Variants in PIEZO2 observed in about 807,000 individuals in gnomAD.
The protein encoded by PIEZO2 is piezo type mechanosensitive ion channel component 2.
A neutral mutation model predicts 337.3 loss-of-function variants in PIEZO2; 172 were observed. The observed-to-expected ratio is 0.51, with a 90% confidence interval of 0.45 to 0.58. The LOEUF (loss-of-function observed/expected upper bound fraction) is 0.58, where lower values mean the gene tolerates loss of function less well. Ranked by LOEUF, PIEZO2 falls within the 20% of genes least tolerant of loss-of-function variation. The pLI, the probability that PIEZO2 is intolerant of heterozygous loss-of-function variation, is 0.00. For missense variants in PIEZO2, 3,028 were observed against 3,391.3 expected (o/e 0.89, Z 2.66); for synonymous variants, 1,251 against 1,228.5 (o/e 1.02, Z -0.38).
chr18:11,041,488 T>C (rs1354796845), intron 2 of PIEZO2, among the ~76,000 whole-genome samples: 1 of 152,184 alleles, frequency 6.6e-6, no homozygotes, highest in Non-Finnish European at 1.5e-5. Flanking sequence ...GAATCCATCC[T>C]GTACTCCACA....
chr18:10,719,599 A>G (rs2036169774), intron 36 of PIEZO2, among the ~76,000 whole-genome samples: 1 of 152,194 alleles, frequency 6.6e-6, no homozygotes, highest in Non-Finnish European at 1.5e-5. Flanking sequence ...TCCTCCGTTC[A>G]TCAACGGACA....
intron 2 of PIEZO2, among the ~76,000 whole-genome samples, chr18:11,025,844 GCAC>G (rs1260891466): frequency 1.3e-5 from 2 of 152,130 alleles, no homozygotes; most frequent in African/African-American, 4.8e-5. Flanking sequence ...GGTGGGTACT[GCAC>G]AACTCTTGCT....
chr18:10,998,873 A>G (rs1445920019), intron 2 of PIEZO2, among the ~76,000 whole-genome samples: 24 of 151,706 alleles, frequency 1.6e-4, no homozygotes, highest in Admixed American at 1.4e-3. Context: ...AAAAAAAAAA[A>G]AAAAAAGAAA....
At chr18:11,018,080 G>A (rs191151144) in intron 2 of PIEZO2, among the ~76,000 whole-genome samples, 4 of 152,244 alleles carry the variant, frequency 2.6e-5, no homozygotes, top group Non-Finnish European at 5.9e-5. Flanking sequence ...TCCCCGAGAA[G>A]GCTTTAGTGT....
intron 1 of PIEZO2, among the ~76,000 whole-genome samples, chr18:11,082,409 C>A (rs2038777708): frequency 6.6e-6 from 1 of 151,830 alleles, no homozygotes; most frequent in African/African-American, 2.4e-5. Flanking sequence ...GCTCCACCTC[C>A]CGGGTTCATG....
chr18:11,142,870 A>C (rs1036699759), intron 1 of PIEZO2, among the ~76,000 whole-genome samples: 2 of 151,930 alleles, frequency 1.3e-5, no homozygotes, highest in Non-Finnish European at 2.9e-5. Context: ...CGAGGTCAGG[A>C]GATCGAGACC....
chr18:10,744,650 GA>G (rs2037353324), intron 30 of PIEZO2, among the ~76,000 whole-genome samples: 2 of 152,188 alleles, frequency 1.3e-5, no homozygotes, highest in Non-Finnish European at 2.9e-5. Flanking sequence ...TCAATTAGCA[GA>G]AACTGGGGAT....
rs112778706 is a variant in PIEZO2 at position 11,038,630 on chromosome 18, A to G, written c.160+27497T>C. 0.013 allele frequency among the ~76,000 whole-genome samples: 2,014 copies of G among 152,310 alleles called. 57 individuals carry two copies. Among genetic ancestry groups the G allele is most frequent in the African/African-American group, 0.046 (1,894 of 41,552 alleles). On this transcript the variant is annotated intron_variant, in intron 2 of 55. Transcript: ENST00000674853. The surrounding 1 kb of genome is among the most constrained non-coding windows in gnomAD (Gnocchi z 4.1). ...GAGCAGCATGTAGTCAGGAAAGAGC[A>G]TTCCATCAGAGCCCAGAAACGTGGC... is the stretch of plus-strand genomic sequence containing the variant.
intron 1 of PIEZO2, among the ~76,000 whole-genome samples, chr18:11,115,716 T>C (rs772191317): frequency 1.4e-4 from 22 of 152,310 alleles, no homozygotes; most frequent in Admixed American, 3.3e-4. Flanking sequence ...TATGTTTATC[T>C]GAAATTCAGA....
chr18:11,014,666 C>T (rs892069193), intron 2 of PIEZO2, among the ~76,000 whole-genome samples: 1 of 149,314 alleles, frequency 6.7e-6, no homozygotes, highest in Non-Finnish European at 1.5e-5. Flanking sequence ...CCTCATTCCT[C>T]AGTGGGGAAC....
intron 7 of PIEZO2, 112 bp from the exon 8 acceptor site, chr18:10,807,386 C>T (rs528249574): frequency 6.4e-6 from 6 of 939,018 alleles, no homozygotes; most frequent in African/African-American, 3.3e-5. Flanking sequence ...TAGGTTGATC[C>T]GTTCTATTGT....
rs1185605638 is a variant in PIEZO2 at position 10,724,316 on chromosome 18, T to C, written c.5030-6057A>G. Among the ~76,000 whole-genome samples the C allele has an allele frequency of 6.6e-6, 1 of 152,100 alleles. No individual in the cohort carries two copies. Among genetic ancestry groups the C allele is most frequent in the African/African-American group, 2.4e-5 (1 of 41,394 alleles). On this transcript the variant is annotated intron_variant, in intron 36 of 55. Coordinates refer to ENST00000674853, the MANE Select transcript of PIEZO2 (RefSeq NM_001378183.1). The surrounding 1 kb of genome is among the most constrained non-coding windows in gnomAD (Gnocchi z 5.8). ...GGAGGCTGCAATGAGCTATGATCAT[T>C]GCACTGCACTCCACCTTGGGTGACA...
intron 1 of PIEZO2, among the ~76,000 whole-genome samples, chr18:11,072,619 T>G (rs1393590470): frequency 6.6e-6 from 1 of 152,240 alleles, no homozygotes; most frequent in Non-Finnish European, 1.5e-5. Flanking sequence ...GTCAATTAAC[T>G]CTTGTAGTTA....
intron 40 of PIEZO2, among the ~76,000 whole-genome samples, chr18:10,706,054 T>C (rs1204501348): frequency 1.3e-5 from 2 of 152,138 alleles, no homozygotes; most frequent in Non-Finnish European, 2.9e-5. Context: ...AGCCTCGGGT[T>C]CCAGAGTCTG....
intron 1 of PIEZO2, among the ~76,000 whole-genome samples, chr18:11,066,831 C>T (rs113152430): frequency 6.6e-6 from 1 of 152,284 alleles, no homozygotes; most frequent in African/African-American, 2.4e-5. Flanking sequence ...AACTCTTGAC[C>T]TCAGGTAATC....
intron 2 of PIEZO2, among the ~76,000 whole-genome samples, chr18:11,010,981 G>A (rs1003412889): frequency 1.3e-5 from 2 of 152,164 alleles, no homozygotes; most frequent in Admixed American, 6.5e-5. Flanking sequence ...GTGTTCATGC[G>A]ACATCAGTTC....
chr18:11,074,972 C>T (rs960080871), intron 1 of PIEZO2, among the ~76,000 whole-genome samples: 3 of 152,156 alleles, frequency 2.0e-5, no homozygotes, highest in Non-Finnish European at 4.4e-5. Flanking sequence ...TTAGCAAGGC[C>T]AAACAAGGTC....
In PIEZO2 at chr18:10,705,672, T is replaced by C; in HGVS notation, c.5663A>G (p.Gln1888Arg). 6.5e-7 allele frequency: 1 copy of C among 1,536,610 alleles called. No homozygotes were observed. Residue 1888 changes from glutamine to arginine, a missense_variant, in exon 41 of 56, where the codon CAG (glutamine) becomes CGG (arginine). Gln to Arg is a conservative substitution (Grantham distance 43). Transcript: ENST00000674853. ...TETIEEVEAEQEEEAGSTAPE... is the reference protein window; with the variant it reads ...TETIEEVEAEREEEAGSTAPE... ...CGCCGTGCTCCCTGCCTCCTCCTCC[T>C]GCTCAGCCTCCACCTCCTCGATGGT...
At chr18:10,931,717 A>T (rs59309533) in intron 3 of PIEZO2, among the ~76,000 whole-genome samples, 90,633 of 146,592 alleles carry the variant, frequency 0.62, 27,919 homozygotes, top group East Asian at 0.73. Context: ...TGTGTGTGAG[A>T]GAGAGAGAGA....
Sources: gnomAD v4.1 joint callset for allele counts (sites outside exome capture counted in the v4.1 genomes callset) on GRCh38, gnomAD v4.1.1 for gene constraint, Gnocchi (gnomAD v3.1) non-coding constraint, MANE v1.5 for transcripts, NCBI Gene and HGNC (gene_info 2026-07-23, HGNC 2026-07-21) for gene names.